Variants in CDCP1 observed in about 807,000 individuals in gnomAD.
CDCP1 encodes the protein CUB domain containing protein 1.
CDCP1 carries 29 observed loss-of-function variants against 60.2 expected under a neutral mutation model. That is an observed-to-expected ratio of 0.48 (90% confidence interval 0.36 to 0.66). The LOEUF (loss-of-function observed/expected upper bound fraction) is 0.66. Ranked by LOEUF, CDCP1 falls within the 30% of genes least tolerant of loss-of-function variation. The pLI is 0.00. For missense variants in CDCP1, 876 were observed against 1,074.3 expected (o/e 0.82, Z 2.58); for synonymous variants, 387 against 431.1 (o/e 0.90, Z 1.27).
rs1698132506 is a variant in CDCP1, at chr3:45,083,222, C to T, written c.*2416G>A. On this transcript the variant is annotated 3_prime_UTR_variant, in exon 9 of 9. Transcript: ENST00000296129. ...AAGGAAGCCGCAGCCCTCCTTTGGC[C>T]CTTTATGCAGGGTCAGCATCTCGGC... 1 of 152,190 alleles carries T rather than the reference C, an allele frequency of 6.6e-6. No individual in the cohort carries two copies. The highest frequency in any genetic ancestry group is 1.5e-5 in the Non-Finnish European group (1 of 68,064). The allele number at this position is 152,190 out of a possible 1,614,324, so 9.4% of individuals were successfully genotyped here. A position where few individuals can be genotyped will look rare whatever the true frequency, so the allele number is the denominator to read the frequency against.
intron 1 of CDCP1, among the ~76,000 whole-genome samples, chr3:45,137,464 G>C (rs1048220871): frequency 6.6e-6 from 1 of 152,024 alleles, no homozygotes; most frequent in Non-Finnish European, 1.5e-5. Flanking sequence ...CACCATTCGG[G>C]TTGTGGTGGG....
At chr3:45,097,727 C>T (rs564892956) in intron 4 of CDCP1, among the ~76,000 whole-genome samples, 2 of 152,276 alleles carry the variant, frequency 1.3e-5, no homozygotes, top group South Asian at 2.1e-4. Flanking sequence ...GAACTGGCTG[C>T]AGGGAAGCTC....
chr3:45,103,320 T>C (rs1490921028), intron 4 of CDCP1, among the ~76,000 whole-genome samples: 2 of 152,236 alleles, frequency 1.3e-5, no homozygotes, highest in African/African-American at 4.8e-5. Flanking sequence ...TCAGTCGTTC[T>C]TTCCCTTATT....
intron 1 of CDCP1, among the ~76,000 whole-genome samples, chr3:45,144,583 A>G (rs1407486910): frequency 6.6e-6 from 1 of 152,204 alleles, no homozygotes; most frequent in Non-Finnish European, 1.5e-5. Flanking sequence ...TTCCCAGATC[A>G]CAGGGAGAAA....
At chr3:45,126,171 T>TTACTTTCTTTCTTTCC (rs1698992307) in intron 1 of CDCP1, among the ~76,000 whole-genome samples, 1 of 139,928 alleles carries the variant, frequency 7.1e-6, no homozygotes, top group East Asian at 2.2e-4. Context: ...TCTTTCTTTC[T>TTACTTTCTTTCTTTCC]TTCCTTCTTT....
chr3:45,106,098 G>A (rs1250447670), intron 4 of CDCP1, among the ~76,000 whole-genome samples: 8 of 152,192 alleles, frequency 5.3e-5, no homozygotes, highest in Admixed American at 5.2e-4. Flanking sequence ...GGAGTTCTCT[G>A]GGTCTAGTTT....
intron 5 of CDCP1, among the ~76,000 whole-genome samples, chr3:45,094,804 A>G (rs984885901): frequency 6.6e-6 from 1 of 152,064 alleles, no homozygotes; most frequent in African/African-American, 2.4e-5. Context: ...CTGGGCAGAG[A>G]GACATAAGCC....
intron 1 of CDCP1, among the ~76,000 whole-genome samples, chr3:45,142,164 A>G (rs1179475662): frequency 6.6e-6 from 1 of 152,074 alleles, no homozygotes; most frequent in Non-Finnish European, 1.5e-5. Context: ...ACCAAGGCAG[A>G]GAACCCTAGC....
rs1322856768 is a variant in CDCP1, at chr3:45,112,291, G to A, written c.447C>T (p.Ile149=). The change falls in exon 3 of 9, where the codon ATC becomes ATT. Residue 149 remains isoleucine, a synonymous_variant. Transcript: ENST00000296129. The stretch of plus-strand genomic sequence containing the variant: ...CGTCTGGGCAGCTCTCACCCGGACC[G>A]ATCTGCCTCAGGCGAGGGATGGAAA... ...LQFSIPRLRQ[I]GPGESCPDGV... is the part of the protein sequence containing the mutation. 14 of 1,614,206 alleles carry A rather than the reference G, an allele frequency of 8.7e-6. No homozygotes were observed. The highest frequency in any genetic ancestry group is 4.0e-5 in the African/African-American group (3 of 75,052).
chr3:45,115,609 T>C (rs996318547), intron 2 of CDCP1, among the ~76,000 whole-genome samples: 1 of 152,252 alleles, frequency 6.6e-6, no homozygotes, highest in Non-Finnish European at 1.5e-5. Flanking sequence ...TCTTTAACTC[T>C]GTAAAAGCTT....
At chr3:45,120,497 C>T (rs957874579) in intron 1 of CDCP1, among the ~76,000 whole-genome samples, 3 of 152,184 alleles carry the variant, frequency 2.0e-5, no homozygotes, top group Non-Finnish European at 2.9e-5. Context: ...TCTACACTCC[C>T]TGCCAGCTCT....
At chr3:45,123,713 A>ACCCCAC (rs1698925312) in intron 1 of CDCP1, among the ~76,000 whole-genome samples, 3 of 152,240 alleles carry the variant, frequency 2.0e-5, no homozygotes, top group African/African-American at 7.2e-5. Context: ...CCCACTGCTT[A>ACCCCAC]AGTAGAGTAA....
At chr3:45,131,982 C>T (rs1310272880) in intron 1 of CDCP1, among the ~76,000 whole-genome samples, 1 of 152,098 alleles carries the variant, frequency 6.6e-6, no homozygotes, top group Non-Finnish European at 1.5e-5. Context: ...GCCTGTAATC[C>T]CAGCACTTTG....
intron 1 of CDCP1, among the ~76,000 whole-genome samples, chr3:45,136,492 C>A (rs1699193043): frequency 6.6e-6 from 1 of 152,172 alleles, no homozygotes; most frequent in South Asian, 2.1e-4. Flanking sequence ...CTCCAGTTAT[C>A]CATCAAATAA....
rs147169827 is a variant in CDCP1, at chr3:45,110,731, C to T, written c.766G>A (p.Val256Ile). 68 of 1,614,054 alleles carry T rather than the reference C, an allele frequency of 4.2e-5. No individual in the cohort carries two copies. The highest frequency in any genetic ancestry group is 2.0e-4 in the East Asian group (9 of 44,894). ...ACGCTGGCCCGCAGGTGTGCAGGAACGACAAACTGCCACGTCATGAGCTCA... is the reference window on the plus strand; with the variant it reads ...ACGCTGGCCCGCAGGTGTGCAGGAATGACAAACTGCCACGTCATGAGCTCA... ...EDELMTWQFVVPAHLRASVSF... is the reference protein window; with the variant it reads ...EDELMTWQFVIPAHLRASVSF... The change falls in exon 4 of 9, where the codon GTT becomes ATT. Residue 256 changes from valine (V) to isoleucine (I), a missense_variant. By Grantham distance (29) the Val-to-Ile change is conservative. Transcript: ENST00000296129.
intron 3 of CDCP1, 50 bp from the exon 4 acceptor site, chr3:45,110,891 T>C (rs753640397): frequency 1.3e-6 from 2 of 1,553,112 alleles, no homozygotes; most frequent in African/African-American, 2.7e-5. Context: ...CATTAGACCC[T>C]GTCCTGGTTG....
At chr3:45,138,312 C>G (rs1391716600) in intron 1 of CDCP1, among the ~76,000 whole-genome samples, 4 of 152,202 alleles carry the variant, frequency 2.6e-5, no homozygotes, top group Non-Finnish European at 4.4e-5. Flanking sequence ...TCCCCAAAGT[C>G]GACTGCACTG....
At chr3:45,099,086 G>A (rs1576085322) in intron 4 of CDCP1, among the ~76,000 whole-genome samples, 6 of 149,970 alleles carry the variant, frequency 4.0e-5, no homozygotes, top group Admixed American at 4.0e-4. Context: ...TTCTCTCTTG[G>A]ACTAGATCCT....
Position 45,091,087 on chromosome 3 carries a change from T to C in CDCP1, c.1993+86A>G. 6.9e-7 allele frequency: 1 copy of C among 1,452,006 alleles called. No individual in the cohort carries two copies. The highest frequency in any genetic ancestry group is 9.3e-7 in the Non-Finnish European group (1 of 1,072,730). 89.9% of individuals were successfully genotyped at this position (1,452,006 alleles called of 1,614,324 possible). On this transcript the variant is annotated intron_variant, in intron 7 of 8. Coordinates refer to ENST00000296129, the MANE Select transcript of CDCP1 (RefSeq NM_022842.5). The surrounding 1 kb of genome is among the most constrained non-coding windows in gnomAD (Gnocchi z 4.8). The stretch of plus-strand genomic sequence containing the variant: ...GGACAGTCAGGACTCAATCTGTGAT[T>C]CTGACTTGTCTCCAGGCTTGCTCTC...
Sources: gnomAD v4.1 joint callset for allele counts (sites outside exome capture counted in the v4.1 genomes callset) on GRCh38, gnomAD v4.1.1 for gene constraint, Gnocchi (gnomAD v3.1) non-coding constraint, MANE v1.5 for transcripts, NCBI Gene and HGNC (gene_info 2026-07-23, HGNC 2026-07-21) for gene names.